Variants in PKP4 observed in about 807,000 individuals in gnomAD.
PKP4 encodes plakophilin 4, also known as plakophilin-4.
PKP4 carries 90 observed loss-of-function variants against 145.1 expected under a neutral mutation model. The ratio of observed to expected loss-of-function variants is 0.62; its 90% CI spans 0.52 to 0.74. The LOEUF (loss-of-function observed/expected upper bound fraction) is 0.74. Ranked by LOEUF, PKP4 falls within the 30% of genes least tolerant of loss-of-function variation. The pLI, the probability that PKP4 is intolerant of heterozygous loss-of-function variation, is 0.00. For missense variants in PKP4, 1,340 were observed against 1,482.7 expected, an observed-to-expected ratio of 0.90 and a Z score of 1.58; for synonymous variants, 563 against 577.2, an observed-to-expected ratio of 0.98 and a Z score of 0.35.
chr2:158,675,503 G>A lies in PKP4; in HGVS notation c.3128-1236G>A, dbSNP rs2057930622. 2.0e-5 allele frequency among the ~76,000 whole-genome samples: 3 copies of A among 152,168 alleles called. No individual in the cohort carries two copies. The South Asian group carries it at 6.2e-4, about 32-fold the overall frequency. On this transcript the variant is annotated intron_variant, in intron 19 of 21. Coordinates refer to ENST00000389759, the MANE Select transcript of PKP4 (RefSeq NM_003628.6). ...ACCCCTTAAATATACCTGCTGGACA[G>A]TGTTGGCTAGCCCCATTCAAATTCC...
intron 1 of PKP4, among the ~76,000 whole-genome samples, chr2:158,532,651 A>C (rs1224632001): frequency 6.6e-6 from 1 of 152,210 alleles, no homozygotes; most frequent in Non-Finnish European, 1.5e-5. Flanking sequence ...TTCTATCATA[A>C]GCTATGGGCC....
Position 158,680,478 on chromosome 2 carries a change from A to T in PKP4, c.3380A>T (p.Asp1127Val), listed in dbSNP as rs148782148. 6,800 of 1,612,644 alleles carry T rather than the reference A, an allele frequency of 4.2e-3. 22 individuals are homozygous for T. Among genetic ancestry groups the T allele is most frequent in the Middle Eastern group, 7.4e-3 (45 of 6,060 alleles). ...GATGACTCCAACAGAAAGAACTTTG[A>T]TGCATACAGATTGTATTTGCAGTCT... ...SQDDSNRKNF[D>V]AYRLYLQSPH... Residue 1127 changes from aspartate to valine, a missense_variant, in exon 22 of 22, where the codon GAT (aspartate) becomes GTT (valine). By Grantham distance (152) the Asp-to-Val change is radical. Coordinates refer to ENST00000389759, the MANE Select transcript of PKP4 (RefSeq NM_003628.6).
intron 1 of PKP4, among the ~76,000 whole-genome samples, chr2:158,528,325 A>G (rs1350553427): frequency 7.1e-6 from 1 of 141,814 alleles, no homozygotes; most frequent in African/African-American, 2.5e-5. Context: ...TGATGATTTC[A>G]TGTCCTTTGT....
intron 1 of PKP4, among the ~76,000 whole-genome samples, chr2:158,530,263 G>A (rs1181098695): frequency 6.6e-6 from 1 of 152,152 alleles, no homozygotes; most frequent in Non-Finnish European, 1.5e-5. Flanking sequence ...TAGCTCTGTA[G>A]TTTGTAATGT....
intron 1 of PKP4, among the ~76,000 whole-genome samples, chr2:158,501,267 A>C (rs1333819608): frequency 2.0e-5 from 3 of 152,220 alleles, no homozygotes; most frequent in Non-Finnish European, 4.4e-5. Context: ...TCACTTAACA[A>C]AAACAAAACA....
chr2:158,654,892 A>G (rs965007362), intron 11 of PKP4, among the ~76,000 whole-genome samples: 2 of 152,216 alleles, frequency 1.3e-5, no homozygotes, highest in Admixed American at 1.3e-4. Context: ...TGTGTCCTGC[A>G]TATGTGTCAC....
At chr2:158,481,910 T>C (rs1693412096) in intron 1 of PKP4, among the ~76,000 whole-genome samples, 1 of 152,208 alleles carries the variant, frequency 6.6e-6, no homozygotes, top group South Asian at 2.1e-4. Flanking sequence ...ATTATTGAAA[T>C]GGTGCCAAAT....
chr2:158,561,952 C>T (rs545161339), intron 2 of PKP4, among the ~76,000 whole-genome samples: 4 of 150,042 alleles, frequency 2.7e-5, no homozygotes, highest in East Asian at 3.9e-4. Flanking sequence ...CGACAGGCCC[C>T]GGTGTGTGAT....
chr2:158,666,967 T>C (rs2057146864), intron 16 of PKP4, among the ~76,000 whole-genome samples: 1 of 152,264 alleles, frequency 6.6e-6, no homozygotes, highest in Non-Finnish European at 1.5e-5. Flanking sequence ...GAATGTTTTG[T>C]AGCTTTCCCC....
intron 1 of PKP4, among the ~76,000 whole-genome samples, chr2:158,526,297 G>T (rs2105592319): frequency 7.4e-6 from 1 of 134,508 alleles, no homozygotes; most frequent in African/African-American, 2.8e-5. Context: ...TGATCAAGTG[G>T]GCTTCATCCC....
At chr2:158,511,976 G>C (rs1462401746) in intron 1 of PKP4, among the ~76,000 whole-genome samples, 1 of 152,178 alleles carries the variant, frequency 6.6e-6, no homozygotes, top group African/African-American at 2.4e-5. Flanking sequence ...TCATAACTCA[G>C]TTTTTTAAAG....
chr2:158,627,540 G>A (rs75751651), intron 7 of PKP4, among the ~76,000 whole-genome samples: 12,442 of 151,806 alleles, frequency 0.082, 590 homozygotes, highest in Admixed American at 0.12. Flanking sequence ...GAAGCAAAGT[G>A]TTCTTGATTT....
chr2:158,645,001 C>T (rs1317839840), intron 11 of PKP4, among the ~76,000 whole-genome samples: 2 of 152,176 alleles, frequency 1.3e-5, no homozygotes, highest in African/African-American at 4.8e-5. Context: ...TTCTGTAACA[C>T]TTGGGAATGA....
chr2:158,589,625 A>G (rs2049085166), intron 3 of PKP4, among the ~76,000 whole-genome samples: 1 of 152,180 alleles, frequency 6.6e-6, no homozygotes. Flanking sequence ...CTAGGAAACA[A>G]CCTTTAAAAA....
At chr2:158,472,213 G>A (rs562182984) in intron 1 of PKP4, among the ~76,000 whole-genome samples, 2 of 152,080 alleles carry the variant, frequency 1.3e-5, no homozygotes, top group African/African-American at 4.8e-5. Context: ...TAATAAGCTG[G>A]ATTTAACATT....
intron 2 of PKP4, among the ~76,000 whole-genome samples, chr2:158,568,314 G>T (rs1448975343): frequency 6.6e-6 from 1 of 152,096 alleles, no homozygotes; most frequent in Admixed American, 6.5e-5. Flanking sequence ...CTCCAGCCTG[G>T]GCAACAAGAG....
rs572744294 is a variant in PKP4, at chr2:158,534,031, T to G, written c.132+715T>G. Among the ~76,000 whole-genome samples the G allele has an allele frequency of 7.8e-4, 119 of 151,838 alleles. 1 individual carries two copies. The highest frequency in any genetic ancestry group is 8.5e-4 in the African/African-American group (35 of 41,156). On this transcript the variant is annotated intron_variant, in intron 2 of 21. Coordinates refer to ENST00000389759, the MANE Select transcript of PKP4 (RefSeq NM_003628.6). ...GTTTTTTTGTTTTTTTTTCCCTGCTTCTTCTCTCCAAAACAACATTATGTG... is the reference window on the plus strand; with the variant it reads ...GTTTTTTTGTTTTTTTTTCCCTGCTGCTTCTCTCCAAAACAACATTATGTG...
At chr2:158,668,159 A>G (rs1369187620) in intron 16 of PKP4, among the ~76,000 whole-genome samples, 2 of 146,286 alleles carry the variant, frequency 1.4e-5, no homozygotes, top group South Asian at 2.1e-4. Context: ...CTGCCTCTCC[A>G]GTGATGAGCT....
At chr2:158,628,427 A>G (rs2053026145) in intron 7 of PKP4, among the ~76,000 whole-genome samples, 1 of 152,192 alleles carries the variant, frequency 6.6e-6, no homozygotes, top group African/African-American at 2.4e-5. Context: ...ATGCTAATCT[A>G]TAGGACTGTG....
Sources: allele counts gnomAD v4.1 joint callset (sites outside exome capture counted in the v4.1 genomes callset), GRCh38; gene constraint gnomAD v4.1.1; transcripts MANE v1.5; gene names NCBI Gene and HGNC (gene_info 2026-07-23, HGNC 2026-07-21).